Variants in ZNF428 observed in about 807,000 individuals in gnomAD.
The protein encoded by ZNF428 is zinc finger protein 428, also known as enzyme-like protein PIT13.
Under a neutral mutation model 15.6 loss-of-function variants are expected in ZNF428, and 5 were observed. The ratio of observed to expected loss-of-function variants is 0.32; its 90% CI spans 0.17 to 0.67. ZNF428 has a LOEUF of 0.67. Ranked by LOEUF, ZNF428 falls within the 30% of genes least tolerant of loss-of-function variation. The pLI, the probability that ZNF428 is intolerant of heterozygous loss-of-function variation, is 0.73. For missense variants in ZNF428, 237 were observed against 256.0 expected (o/e 0.93, Z 0.51); for synonymous variants, 97 against 102.2 (o/e 0.95, Z 0.31).
Position 43,612,555 on chromosome 19 carries a change from T to G in ZNF428, c.76+1674A>C. 1.3e-6 allele frequency: 2 copies of G among 1,550,998 alleles called. No homozygotes were observed. On this transcript the variant is annotated intron_variant, in intron 2 of 2. Coordinates refer to ENST00000300811, the MANE Select transcript of ZNF428 (RefSeq NM_182498.4). The surrounding 1 kb of genome is among the most constrained non-coding windows in gnomAD (Gnocchi z 4.2). ...AGCAGGGCCAGCACTCCTGGCAGGATAAGAACTCATGGTGCCAGACCAGGC... is the reference window on the plus strand; with the variant it reads ...AGCAGGGCCAGCACTCCTGGCAGGAGAAGAACTCATGGTGCCAGACCAGGC...
At chr19:43,616,571 A>T (rs117697594) in intron 1 of ZNF428, among the ~76,000 whole-genome samples, 1,834 of 152,314 alleles carry the variant, frequency 0.012, 19 homozygotes, top group Non-Finnish European at 0.019. Flanking sequence ...TGGAAGCCAG[A>T]CCTTTCATAA....
intron 2 of ZNF428, among the ~76,000 whole-genome samples, chr19:43,611,355 T>TGGC (rs1973295208): frequency 6.6e-6 from 1 of 151,860 alleles, no homozygotes; most frequent in Admixed American, 6.6e-5. Flanking sequence ...AGAGTCTCGC[T>TGGC]GTCACCCAGG....
rs1451902291 is a variant in ZNF428 at position 43,612,806 on chromosome 19, G to T, written c.76+1423C>A. 6.4e-7 allele frequency: 1 copy of T among 1,551,604 alleles called. No individual in the cohort carries two copies. The highest frequency in any genetic ancestry group is 1.2e-5 in the South Asian group (1 of 84,060). On this transcript the variant is annotated intron_variant, in intron 2 of 2. Coordinates refer to ENST00000300811, the MANE Select transcript of ZNF428 (RefSeq NM_182498.4). This position sits in a 1 kb window ranked among gnomAD's most constrained non-coding sequence, Gnocchi z 4.2. ...AACCCCGACTGGAATTCCCTCCAAG[G>T]AGAAGAGTGACAACCCATCTCCATC...
chr19:43,613,147 C>CT (rs1170281199), intron 2 of ZNF428: 1 of 1,551,682 alleles, frequency 6.4e-7, no homozygotes, highest in East Asian at 2.4e-5. Context: ...AAAGTCAAAA[C>CT]CAATCTAGAA....
At position 43,612,093 on chromosome 19, in the gene ZNF428, C is replaced by T. The variant is rs1422602869; in HGVS notation, c.76+2136G>A. On this transcript the variant is annotated intron_variant, in intron 2 of 2. Transcript: ENST00000300811. The surrounding 1 kb of genome is among the most constrained non-coding windows in gnomAD (Gnocchi z 4.2). ...AGGTGTTTCATGTCTACTGTGACTT[C>T]CAGGACCACAAGCCCTTTTGCGCCC... 2 of 1,513,970 alleles carry T rather than the reference C, an allele frequency of 1.3e-6. No homozygotes were observed. Among genetic ancestry groups the T allele is most frequent in the East Asian group, 2.5e-5 (1 of 40,708 alleles). 93.8% of individuals were successfully genotyped at this position (1,513,970 alleles called of 1,614,324 possible).
intron 2 of ZNF428, among the ~76,000 whole-genome samples, chr19:43,611,352 C>G (rs1284713538): frequency 2.0e-5 from 3 of 151,782 alleles, no homozygotes; most frequent in African/African-American, 7.2e-5. Flanking sequence ...GAGAGAGTCT[C>G]GCTGTCACCC....
rs1309705645 is a variant in ZNF428 at position 43,612,322 on chromosome 19, G to A, written c.76+1907C>T. 1.1e-5 allele frequency: 17 copies of A among 1,551,386 alleles called. No homozygotes were observed. The highest frequency in any genetic ancestry group is 1.7e-4 in the Middle Eastern group (1 of 6,014). ...CAAGCAGTTCCAAGTCCACCAAATC[G>A]ACCAGTACAAAAAGAGCCCCTTCTA... On this transcript the variant is annotated intron_variant, in intron 2 of 2. Coordinates refer to ENST00000300811, the MANE Select transcript of ZNF428 (RefSeq NM_182498.4). The surrounding 1 kb of genome is among the most constrained non-coding windows in gnomAD (Gnocchi z 4.2).
At chr19:43,613,194 A>G (rs187670812) in intron 2 of ZNF428, 13 of 1,551,658 alleles carry the variant, frequency 8.4e-6, no homozygotes. Flanking sequence ...TGGTCTAGAA[A>G]CCCCAGCAAG....
In ZNF428 at chr19:43,607,899, G is replaced by A. The variant is rs766339706; in HGVS notation, c.285C>T (p.Leu95=). ...CCTCCCCAAGGGGTGAGCGGCCACAGAGCTGGCAAGGCTGGGCCGGGGGCT... is the reference window on the plus strand; with the variant it reads ...CCTCCCCAAGGGGTGAGCGGCCACAAAGCTGGCAAGGCTGGGCCGGGGGCT... The part of the protein sequence containing the change: ...AAQPPAQPCQ[L]CGRSPLGEAP... The change falls in exon 3 of 3, where the codon CTC becomes CTT. Residue 95 remains leucine (L), a synonymous_variant. Coordinates refer to ENST00000300811, the MANE Select transcript of ZNF428 (RefSeq NM_182498.4). This position sits in a 1 kb window ranked among gnomAD's most constrained non-coding sequence, Gnocchi z 5.1. 2.6e-6 allele frequency: 4 copies of A among 1,563,606 alleles called. No individual in the cohort carries two copies. The highest frequency in any genetic ancestry group is 1.4e-5 in the African/African-American group (1 of 73,884).
chr19:43,617,616 C>T (rs775085960), intron 1 of ZNF428, among the ~76,000 whole-genome samples: 12 of 152,196 alleles, frequency 7.9e-5, no homozygotes, highest in Non-Finnish European at 1.2e-4. Context: ...TACAGGGCCC[C>T]ATCTAATTTG....
chr19:43,608,029 T>G lies in ZNF428; in HGVS notation c.155A>C (p.Glu52Ala). The G allele has an allele frequency of 6.2e-7, 1 of 1,613,238 alleles. No homozygotes were observed. The highest frequency in any genetic ancestry group is 8.5e-7 in the Non-Finnish European group (1 of 1,179,756). ...SEEEEDEEEEEEETTDDPEYD... is the reference protein window; with the variant it reads ...SEEEEDEEEEAEETTDDPEYD... ...TTCAGGATCGTCAGTGGTCTCCTCT[T>G]CCTCCTCCTCCTCATCTTCTTCCTC... The change falls in exon 3 of 3, where the codon GAA becomes GCA. Residue 52 changes from glutamate (E) to alanine (A), a missense_variant. Transcript: ENST00000300811.
rs745877651 is a variant in ZNF428 at position 43,614,135 on chromosome 19, A to C, written c.76+94T>G. The C allele has an allele frequency of 3.1e-6, 5 of 1,611,472 alleles. No homozygotes were observed. The South Asian group carries it at 5.5e-5, about 18-fold the overall frequency. On this transcript the variant is annotated intron_variant, in intron 2 of 2. Transcript: ENST00000300811. Reference sequence around the variant, plus strand: ...TCAGAATAGAACCCCTAGCAAGACAAGCAGCCACTCCCCATCAACATTTCC... The same window carrying C: ...TCAGAATAGAACCCCTAGCAAGACACGCAGCCACTCCCCATCAACATTTCC...
chr19:43,618,566 CTTT>C (rs551668437), intron 1 of ZNF428, among the ~76,000 whole-genome samples: 394 of 98,314 alleles, frequency 4.0e-3, no homozygotes, highest in African/African-American at 0.016. Flanking sequence ...TTAATTTTTA[CTTT>C]TTTTTTTTTT....
Position 43,613,753 on chromosome 19 carries a change from T to G in ZNF428, c.76+476A>C, listed in dbSNP as rs762975116. 2.6e-6 allele frequency: 4 copies of G among 1,550,554 alleles called. No homozygotes were observed. The South Asian group carries it at 4.8e-5, about 18-fold the overall frequency. ...CTAGAAGCCCCAACAAGGAGAGAGA[T>G]CGCAGCCAATCTAGAAGCCCCAGCG... On this transcript the variant is annotated intron_variant, in intron 2 of 2. Transcript: ENST00000300811.
intron 1 of ZNF428, among the ~76,000 whole-genome samples, chr19:43,614,894 G>A (rs746583803): frequency 1.3e-5 from 2 of 151,836 alleles, no homozygotes; most frequent in African/African-American, 2.4e-5. Context: ...CACCGCACCC[G>A]TCCCCCTCTC....
intron 1 of ZNF428, among the ~76,000 whole-genome samples, chr19:43,617,241 G>T (rs540268992): frequency 3.0e-4 from 45 of 151,650 alleles, no homozygotes; most frequent in African/African-American, 1.1e-3. Context: ...CTTCACCAAC[G>T]GACCGCCCCC....
chr19:43,614,153 A>G (rs747259485), intron 2 of ZNF428, 76 bp downstream of exon 2: 32 of 1,613,790 alleles, frequency 2.0e-5, no homozygotes, highest in Non-Finnish European at 2.6e-5. Flanking sequence ...CTCCCCATCA[A>G]CATTTCCCAG....
At position 43,612,511 on chromosome 19, in the gene ZNF428, C is replaced by T. The variant is rs1973310475; in HGVS notation, c.76+1718G>A. 3 of 1,551,456 alleles carry T rather than the reference C, an allele frequency of 1.9e-6. No homozygotes were observed. Among genetic ancestry groups the T allele is most frequent in the Non-Finnish European group, 2.6e-6 (3 of 1,146,976 alleles). On this transcript the variant is annotated intron_variant, in intron 2 of 2. Coordinates refer to ENST00000300811, the MANE Select transcript of ZNF428 (RefSeq NM_182498.4). The surrounding 1 kb of genome is among the most constrained non-coding windows in gnomAD (Gnocchi z 4.2). ...GGACACCTGGCAGAAGGGGAAGCCG[C>T]AGCTCCAAGAGGTCACCCAGCAGGG... is the stretch of plus-strand genomic sequence containing the variant.
At chr19:43,615,398 T>C (rs1426459910) in intron 1 of ZNF428, among the ~76,000 whole-genome samples, 1 of 151,980 alleles carries the variant, frequency 6.6e-6, no homozygotes, top group Non-Finnish European at 1.5e-5. Flanking sequence ...CACCCGACTT[T>C]TTTAAAAAAA....
Sources: allele counts gnomAD v4.1 joint callset (sites outside exome capture counted in the v4.1 genomes callset), GRCh38; gene constraint gnomAD v4.1.1; non-coding constraint Gnocchi (gnomAD v3.1); transcripts MANE v1.5; gene names NCBI Gene and HGNC (gene_info 2026-07-23, HGNC 2026-07-21).